The following GAD2 variants were observed in gnomAD, a reference collection of about 807,000 sequenced individuals.
The protein encoded by GAD2 is 65 kDa glutamic acid decarboxylase.
Under a neutral mutation model 80.1 loss-of-function variants are expected in GAD2, and 22 were observed. That is an observed-to-expected ratio of 0.27 (90% CI 0.20 to 0.39). The LOEUF (loss-of-function observed/expected upper bound fraction) is 0.39, where lower values mean the gene tolerates loss of function less well. Among genes scored for constraint, GAD2 ranks in the 10% least tolerant of loss-of-function variants. The probability of loss-of-function intolerance (pLI) is 1.00; values close to 1 mark genes in which losing one functional copy is unlikely to be tolerated. For synonymous variants in GAD2, 274 were observed against 256.9 expected (o/e 1.07, Z -0.64); for missense variants, 624 against 738.4 (o/e 0.85, Z 1.80).
Position 26,245,882 on chromosome 10 carries a change from A to G in GAD2, c.841-39A>G, listed in dbSNP as rs574795344. ...AGCCAGTGGAATGGATCTTGTCTGT[A>G]TATGGAACTAATTGCAAATATATAT... On this transcript the variant is annotated intron_variant, in intron 7 of 15. Transcript: ENST00000376261. 6 of 1,471,082 alleles carry G rather than the reference A, an allele frequency of 4.1e-6. No homozygotes were observed. In the African/African-American group the frequency reaches 7.0e-5, roughly 17 times the overall value. The allele number at this position is 1,471,082 out of a possible 1,614,324, so 91.1% of individuals were successfully genotyped here. A position where few individuals can be genotyped will look rare whatever the true frequency, so the allele number is the denominator to read the frequency against.
At chr10:26,277,032 T>C (rs1412786270) in intron 11 of GAD2, among the ~76,000 whole-genome samples, 1 of 152,176 alleles carries the variant, frequency 6.6e-6, no homozygotes, top group Admixed American at 6.5e-5. Context: ...AAGTAAAGGC[T>C]GGAGAGACAG....
At chr10:26,218,029 C>G (rs1844402677) in intron 3 of GAD2, 38 bp downstream of exon 3, 1 of 1,557,176 alleles carries the variant, frequency 6.4e-7, no homozygotes, top group Admixed American at 1.9e-5. Context: ...CGCCCCTGCC[C>G]CTCTCTCTGC....
chr10:26,292,658 G>T, intron 14 of GAD2, 86 bp downstream of exon 14: 2 of 1,085,190 alleles, frequency 1.8e-6, no homozygotes, highest in East Asian at 2.4e-5. Flanking sequence ...GTGCTGTCCA[G>T]GTAAGTGGGA....
chr10:26,287,215 T>A (rs1407274782), intron 13 of GAD2, among the ~76,000 whole-genome samples: 1 of 152,188 alleles, frequency 6.6e-6, no homozygotes, highest in African/African-American at 2.4e-5. Flanking sequence ...CACAAATTAG[T>A]GCCTGCCCAT....
chr10:26,270,769 T>C lies in GAD2; in HGVS notation c.1092+13T>C, dbSNP rs1845127216. 7 of 1,519,514 alleles carry C rather than the reference T, an allele frequency of 4.6e-6. No homozygotes were observed. Among genetic ancestry groups the C allele is most frequent in the Non-Finnish European group, 6.4e-6 (7 of 1,093,626 alleles). The allele number at this position is 1,519,514 out of a possible 1,614,324, so 94.1% of individuals were successfully genotyped here. A position where few individuals can be genotyped will look rare whatever the true frequency, so the allele number is the denominator to read the frequency against. On this transcript the variant is annotated intron_variant, in intron 10 of 15. Transcript: ENST00000376261. ...GATGCATGTGGATGTAAGTATCCCT[T>C]AGGGACTGGCCACTAAAACGTCCTT...
At chr10:26,271,350 G>A (rs1379038185) in intron 10 of GAD2, among the ~76,000 whole-genome samples, 3 of 151,926 alleles carry the variant, frequency 2.0e-5, no homozygotes, top group Non-Finnish European at 2.9e-5. Context: ...AATAATGAAG[G>A]TGTTCCCTCC....
At chr10:26,238,857 C>A (rs1359569156) in intron 7 of GAD2, among the ~76,000 whole-genome samples, 1 of 152,166 alleles carries the variant, frequency 6.6e-6, no homozygotes, top group African/African-American at 2.4e-5. Flanking sequence ...GAAGCTGTAG[C>A]TATCATTTCC....
intron 10 of GAD2, among the ~76,000 whole-genome samples, chr10:26,271,190 A>C (rs1164291287): frequency 1.3e-5 from 2 of 152,214 alleles, no homozygotes; most frequent in East Asian, 3.8e-4. Flanking sequence ...ACTGAAGCTC[A>C]AGTTAGATAT....
At position 26,216,808 on chromosome 10, in the gene GAD2, C is replaced by T. The variant is rs1171276341; in HGVS notation, c.-2C>T. 4.3e-6 allele frequency: 7 copies of T among 1,612,018 alleles called. No individual in the cohort carries two copies. The African/African-American group carries it at 8.0e-5, about 19-fold the overall frequency. ...GGCGACCTGCTCCAGTCTCCAAAGC[C>T]GATGGCATCTCCGGGCTCTGGCTTT... On this transcript the variant is annotated 5_prime_UTR_variant, in exon 1 of 16. Transcript: ENST00000376261. The surrounding 1 kb of genome is among the most constrained non-coding windows in gnomAD (Gnocchi z 4.7).
chr10:26,254,645 C>A (rs1844923080), intron 8 of GAD2, among the ~76,000 whole-genome samples: 1 of 152,180 alleles, frequency 6.6e-6, no homozygotes, highest in African/African-American at 2.4e-5. Context: ...GGACTTCTGA[C>A]TAAAAGACAT....
chr10:26,261,095 C>T (rs1236462036), intron 8 of GAD2, among the ~76,000 whole-genome samples: 1 of 152,152 alleles, frequency 6.6e-6, no homozygotes, highest in Non-Finnish European at 1.5e-5. Context: ...ACAAAACTCT[C>T]TTTTGTCATG....
At position 26,217,879 on chromosome 10, in the gene GAD2, C is replaced by A; in HGVS notation, c.174C>A (p.Ser58Arg). 6.2e-7 allele frequency: 1 copy of A among 1,604,174 alleles called. No individual in the cohort carries two copies. Among genetic ancestry groups the A allele is most frequent in the Non-Finnish European group, 8.5e-7 (1 of 1,175,456 alleles). ...LYGDAEKPAE[S>R]GGSQPPRAAA... ...GAGACGCCGAGAAGCCGGCGGAGAG[C>A]GGCGGGAGCCAACCCCCGCGGGCCG... The change falls in exon 3 of 16, where the codon AGC becomes AGA. Residue 58 changes from serine (S) to arginine (R), a missense_variant. Transcript: ENST00000376261. The surrounding 1 kb of genome is among the most constrained non-coding windows in gnomAD (Gnocchi z 4.9).
At chr10:26,224,024 G>A in intron 5 of GAD2, 47 bp downstream of exon 5, 1 of 1,315,574 alleles carries the variant, frequency 7.6e-7, no homozygotes, top group Admixed American at 1.7e-5. Flanking sequence ...AATTATTAGT[G>A]ACATTCCATA....
At chr10:26,247,422 G>T (rs1175863898) in intron 8 of GAD2, among the ~76,000 whole-genome samples, 4 of 151,998 alleles carry the variant, frequency 2.6e-5, no homozygotes, top group Non-Finnish European at 5.9e-5. Flanking sequence ...CAGTCCAATA[G>T]GTCTCAGCCT....
chr10:26,229,828 A>G, intron 7 of GAD2, 51 bp downstream of exon 7: 2 of 1,322,260 alleles, frequency 1.5e-6, no homozygotes, highest in Non-Finnish European at 2.2e-6. Flanking sequence ...ATAAAGCCCG[A>G]GTTTAAGGAG....
At chr10:26,270,566 A>C in intron 9 of GAD2, 74 bp from the exon 10 acceptor site, 1 of 1,071,202 alleles carries the variant, frequency 9.3e-7, no homozygotes, top group Admixed American at 1.7e-5. Context: ...GAGAATTTCC[A>C]TTGCTTTGAA....
intron 7 of GAD2, among the ~76,000 whole-genome samples, chr10:26,230,333 A>G (rs1037857620): frequency 6.6e-6 from 1 of 152,222 alleles, no homozygotes; most frequent in African/African-American, 2.4e-5. Flanking sequence ...CATGTAAGCA[A>G]AACTCCAGAG....
rs1009404949 is a variant in GAD2 at position 26,221,246 on chromosome 10, T to G, written c.520+1970T>G. 2.0e-5 allele frequency among the ~76,000 whole-genome samples: 3 copies of G among 152,228 alleles called. No homozygotes were observed. In the East Asian group the frequency reaches 5.8e-4, roughly 29 times the overall value. ...AGACATTTTAATACTCCTCAAGAGA[T>G]TATTTTATAAAATGCATATTATCAT... On this transcript the variant is annotated intron_variant, in intron 4 of 15. Coordinates refer to ENST00000376261, the MANE Select transcript of GAD2 (RefSeq NM_001134366.2).
intron 10 of GAD2, among the ~76,000 whole-genome samples, chr10:26,272,346 A>C (rs1020415717): frequency 9.9e-5 from 15 of 152,132 alleles, no homozygotes; most frequent in African/African-American, 3.6e-4. Flanking sequence ...CAACTTCAAA[A>C]ATGAGAATGT....
Sources: gnomAD v4.1 joint callset for allele counts (sites outside exome capture counted in the v4.1 genomes callset) on GRCh38, gnomAD v4.1.1 for gene constraint, Gnocchi (gnomAD v3.1) non-coding constraint, MANE v1.5 for transcripts, NCBI Gene and HGNC (gene_info 2026-07-23, HGNC 2026-07-21) for gene names.